ADGRL2: variants seen among roughly 807,000 people sequenced by gnomAD.
The protein encoded by ADGRL2 is calcium-independent alpha-latrotoxin receptor 2.
A neutral mutation model predicts 157.4 loss-of-function variants in ADGRL2; 44 were observed. That is an observed-to-expected ratio of 0.28 (90% CI 0.22 to 0.36). The LOEUF is 0.36. ADGRL2 is among the 10% of genes least tolerant of loss of function. The pLI is 1.00. For missense variants in ADGRL2, 1,510 were observed against 1,768.9 expected (o/e 0.85, Z 2.63); for synonymous variants, 585 against 624.7 (o/e 0.94, Z 0.95).
intron 18 of ADGRL2, 55 bp from the exon 19 acceptor site, chr1:81,981,753 G>C: frequency 7.4e-7 from 1 of 1,351,790 alleles, no homozygotes; most frequent in Non-Finnish European, 1.0e-6. Context: ...ATTTAAGCGT[G>C]ATGTGTGTTT....
At chr1:81,824,871 A>G (rs1211023011) in intron 1 of ADGRL2, among the ~76,000 whole-genome samples, 6 of 152,232 alleles carry the variant, frequency 3.9e-5, no homozygotes, top group Middle Eastern at 3.4e-3. Flanking sequence ...AGTAAGTTTG[A>G]CAGAAACAGT....
intron 3 of ADGRL2, among the ~76,000 whole-genome samples, chr1:81,928,578 C>G (rs1410510390): frequency 6.6e-6 from 1 of 151,828 alleles, no homozygotes. Flanking sequence ...ACTTGTGTAC[C>G]TGAACAGAAT....
At chr1:81,487,740 TTA>T (rs1243478292) in intron 2 of ADGRL2, among the ~76,000 whole-genome samples, 3 of 152,170 alleles carry the variant, frequency 2.0e-5, no homozygotes, top group Non-Finnish European at 4.4e-5. Flanking sequence ...TGCTGTCAAC[TTA>T]TATATAACCA....
chr1:81,630,670 T>C (rs369000928), intron 3 of ADGRL2, among the ~76,000 whole-genome samples: 2 of 152,318 alleles, frequency 1.3e-5, no homozygotes, highest in Middle Eastern at 6.8e-3. Flanking sequence ...TGTGGAGTTA[T>C]ATATTGGGCT....
chr1:81,355,116 G>A (rs185356670), intron 1 of ADGRL2, among the ~76,000 whole-genome samples: 5 of 152,132 alleles, frequency 3.3e-5, no homozygotes, highest in Admixed American at 2.0e-4. Context: ...TATGTCTTAC[G>A]CATTTCAAGT....
chr1:81,514,539 A>C (rs1570345550), intron 2 of ADGRL2: 1 of 152,312 alleles, frequency 6.6e-6, no homozygotes, highest in South Asian at 2.1e-4. Context: ...GGGTTTCAGA[A>C]AACCCACAAC....
chr1:81,683,499 C>T (rs955378548), intron 3 of ADGRL2, among the ~76,000 whole-genome samples: 22 of 152,120 alleles, frequency 1.4e-4, no homozygotes, highest in African/African-American at 5.1e-4. Flanking sequence ...TATGCCTTTG[C>T]GTCCTCATAG....
intron 6 of ADGRL2, among the ~76,000 whole-genome samples, chr1:81,949,515 A>G (rs385367): frequency 0.22 from 33,852 of 152,138 alleles, 4,097 homozygotes; most frequent in Admixed American, 0.26. Flanking sequence ...TCTTGGTAAG[A>G]GATTCCACCT....
chr1:81,881,723 A>AT (rs2093993829), intron 2 of ADGRL2, among the ~76,000 whole-genome samples: 1 of 152,094 alleles, frequency 6.6e-6, no homozygotes, highest in African/African-American at 2.4e-5. Flanking sequence ...GCACCACATA[A>AT]TTGAGTATTT....
intron 2 of ADGRL2, among the ~76,000 whole-genome samples, chr1:81,521,558 A>C (rs1490037178): frequency 6.6e-6 from 1 of 152,198 alleles, no homozygotes; most frequent in Non-Finnish European, 1.5e-5. Context: ...AAAATCATAT[A>C]AACTACTTAG....
intron 2 of ADGRL2, among the ~76,000 whole-genome samples, chr1:81,790,383 A>C (rs966386333): frequency 6.6e-6 from 1 of 152,164 alleles, no homozygotes; most frequent in Non-Finnish European, 1.5e-5. Context: ...ACACACACAC[A>C]AACATTGTTA....
At chr1:81,949,601 T>C (rs904197894) in intron 6 of ADGRL2, among the ~76,000 whole-genome samples, 3 of 152,208 alleles carry the variant, frequency 2.0e-5, no homozygotes, top group Non-Finnish European at 4.4e-5. Context: ...GTTTCCTTAA[T>C]AAAACAGCGC....
At chr1:81,466,671 A>G (rs200131482) in intron 2 of ADGRL2, among the ~76,000 whole-genome samples, 12 of 31,270 alleles carry the variant, frequency 3.8e-4, no homozygotes, top group Middle Eastern at 0.014. Context: ...TCTCTCTCTC[A>G]CGCGCGCGCA....
At chr1:81,875,363 G>A (rs1484652596) in intron 2 of ADGRL2, among the ~76,000 whole-genome samples, 1 of 152,026 alleles carries the variant, frequency 6.6e-6, no homozygotes, top group Non-Finnish European at 1.5e-5. Flanking sequence ...AAATATATAG[G>A]AAAATAAAGA....
chr1:81,325,656 A>G (rs1326307592), intron 1 of ADGRL2, among the ~76,000 whole-genome samples: 1 of 152,210 alleles, frequency 6.6e-6, no homozygotes, highest in Non-Finnish European at 1.5e-5. Flanking sequence ...ATTCTCTTCC[A>G]ATATAACTCT....
chr1:81,940,290 T>C (rs1221404466), intron 4 of ADGRL2, among the ~76,000 whole-genome samples: 1 of 151,562 alleles, frequency 6.6e-6, no homozygotes, highest in East Asian at 1.9e-4. Context: ...GTAGTTTGAG[T>C]AGTCACAACG....
intron 2 of ADGRL2, among the ~76,000 whole-genome samples, chr1:81,569,839 T>G (rs914854669): frequency 1.3e-5 from 2 of 152,120 alleles, no homozygotes; most frequent in Admixed American, 1.3e-4. Context: ...AAATTAAAAA[T>G]TAAACCAAAA....
intron 1 of ADGRL2, among the ~76,000 whole-genome samples, chr1:81,700,588 C>T (rs1353030542): frequency 6.6e-6 from 1 of 152,178 alleles, no homozygotes; most frequent in Non-Finnish European, 1.5e-5. Flanking sequence ...AAGCTCTAAT[C>T]AAGTGCGTGG....
At chr1:81,706,000 G>A (rs111897819) in intron 1 of ADGRL2, among the ~76,000 whole-genome samples, 9,324 of 152,108 alleles carry the variant, frequency 0.061, 329 homozygotes, top group South Asian at 0.086. Context: ...CACGAGGTCA[G>A]GAGATCGAGA....
Sources: allele counts gnomAD v4.1 joint callset (sites outside exome capture counted in the v4.1 genomes callset), GRCh38; gene constraint gnomAD v4.1.1; transcripts MANE v1.5; gene names NCBI Gene and HGNC (gene_info 2026-07-23, HGNC 2026-07-21).